The following KIF21B variants were observed in gnomAD, a reference collection of about 807,000 sequenced individuals.
KIF21B encodes the protein kinesin-like protein KIF21B.
A neutral mutation model predicts 192.9 loss-of-function variants in KIF21B; 85 were observed. The ratio of observed to expected loss-of-function variants is 0.44; its 90% confidence interval spans 0.37 to 0.53. KIF21B has a LOEUF of 0.53. Among genes scored for constraint, KIF21B ranks in the 20% least tolerant of loss-of-function variants. The probability of loss-of-function intolerance (pLI) is 0.00; values close to 1 mark genes in which losing one functional copy is unlikely to be tolerated. For missense variants in KIF21B, 1,716 were observed against 2,194.8 expected (o/e 0.78, Z 4.36); for synonymous variants, 832 against 884.6 (o/e 0.94, Z 1.05).
chr1:200,994,449 G>A (rs1162157947), intron 15 of KIF21B, among the ~76,000 whole-genome samples: 1 of 152,188 alleles, frequency 6.6e-6, no homozygotes, highest in African/African-American at 2.4e-5. Context: ...CCCCTCCTGG[G>A]ATGACCCAAG....
intron 5 of KIF21B, 95 bp from the exon 6 acceptor site, chr1:201,005,028 G>A (rs535473362): frequency 4.8e-5 from 67 of 1,393,118 alleles, no homozygotes; most frequent in Admixed American, 3.8e-4. Context: ...CACGGTGGAC[G>A]GCCAAGCGCC....
chr1:200,978,367 T>A (rs1449443029), intron 30 of KIF21B, among the ~76,000 whole-genome samples: 1 of 151,936 alleles, frequency 6.6e-6, no homozygotes, highest in African/African-American at 2.4e-5. Context: ...TTTTTTTTTT[T>A]AAGACTTTAT....
At chr1:200,981,180 G>C (rs1342181341) in intron 28 of KIF21B, 84 bp from the exon 29 acceptor site, 3 of 1,432,798 alleles carry the variant, frequency 2.1e-6, no homozygotes, top group Non-Finnish European at 2.8e-6. Context: ...TGTGGGATGG[G>C]GACAGGGCAG....
At chr1:201,016,505 G>A (rs987717274) in intron 1 of KIF21B, among the ~76,000 whole-genome samples, 1 of 152,218 alleles carries the variant, frequency 6.6e-6, no homozygotes, top group Non-Finnish European at 1.5e-5. Flanking sequence ...CCAGCTCTGG[G>A]GAAGGCGGCT....
rs1463368424 is a variant in KIF21B, at chr1:200,998,332, C to T, written c.2077+52G>A. On this transcript the variant is annotated intron_variant, in intron 14 of 34. Coordinates refer to ENST00000461742, the MANE Select transcript of KIF21B (RefSeq NM_001252102.2). The surrounding 1 kb of genome is among the most constrained non-coding windows in gnomAD (Gnocchi z 4.3). ...AGCTGCTTTTGACAGAGGAGGGGCT[C>T]AGGGAAAAGGGAGGGTCCGGATGGG... The T allele has an allele frequency of 2.0e-6, 3 of 1,537,542 alleles. No individual in the cohort carries two copies. In the African/African-American group the frequency reaches 4.1e-5, roughly 21 times the overall value.
intron 27 of KIF21B, among the ~76,000 whole-genome samples, chr1:200,984,174 T>C (rs1445206770): frequency 6.6e-6 from 1 of 152,210 alleles, no homozygotes; most frequent in East Asian, 1.9e-4. Flanking sequence ...TCCCAGGCTC[T>C]GGGTGCAATT....
In KIF21B at chr1:201,017,888, G is replaced by A. The variant is rs368600377; in HGVS notation, c.41+5455C>T. On this transcript the variant is annotated intron_variant, in intron 1 of 34. Transcript: ENST00000461742. This position sits in a 1 kb window ranked among gnomAD's most constrained non-coding sequence, Gnocchi z 4.1. ...CCCCAGAGCAGCTGGAGGTGAAAGA[G>A]AAAGTCCTCCAGAAACAGGGTACTG... 1.3e-5 allele frequency among the ~76,000 whole-genome samples: 2 copies of A among 152,336 alleles called. No homozygotes were observed. The highest frequency in any genetic ancestry group is 2.1e-4 in the South Asian group (1 of 4,832).
rs202147235 is a variant in KIF21B, at chr1:201,007,213, CAG to C, written c.448-1521_448-1520del. On this transcript the variant is annotated intron_variant, in intron 3 of 34. Transcript: ENST00000461742. ...AGAGACACACAGACACACACACACACAGAGACAGACACACACAGACACACACA... is the reference window on the plus strand; with the variant it reads ...AGAGACACACAGACACACACACACACAGACAGACACACACAGACACACACA... Among the ~76,000 whole-genome samples, 42 of 66,978 alleles carry C rather than the reference CAG, an allele frequency of 6.3e-4. 1 individual carries two copies. Among genetic ancestry groups the C allele is most frequent in the African/African-American group, 2.0e-3 (36 of 17,606 alleles). 43.9% of individuals were successfully genotyped at this position (66,978 alleles called of 152,430 possible). A position where few individuals can be genotyped will look rare whatever the true frequency, so the allele number is the denominator to read the frequency against.
chr1:200,990,568 G>A lies in KIF21B; in HGVS notation c.2835+8C>T. The A allele has an allele frequency of 6.2e-7, 1 of 1,613,094 alleles. No homozygotes were observed. Among genetic ancestry groups the A allele is most frequent in the Non-Finnish European group, 8.5e-7 (1 of 1,179,482 alleles). On this transcript the variant is annotated splice_region_variant and intron_variant, in intron 19 of 34. Coordinates refer to ENST00000461742, the MANE Select transcript of KIF21B (RefSeq NM_001252102.2). This position sits in a 1 kb window ranked among gnomAD's most constrained non-coding sequence, Gnocchi z 5.4. ...TGGAATGGAAGAGAAGGGGGAGGCA[G>A]GGCTCACCTTGATGAGCCGCTCCAT...
intron 3 of KIF21B, among the ~76,000 whole-genome samples, chr1:201,007,815 C>T (rs1658000512): frequency 6.6e-6 from 1 of 151,838 alleles, no homozygotes; most frequent in Non-Finnish European, 1.5e-5. Flanking sequence ...CACATAGACA[C>T]ACAAGACACA....
At chr1:201,007,353 T>A (rs201774287) in intron 3 of KIF21B, among the ~76,000 whole-genome samples, 1 of 11,036 alleles carries the variant, frequency 9.1e-5, no homozygotes, top group Non-Finnish European at 1.6e-4. Flanking sequence ...CAGAGACACA[T>A]AGACACACAC....
chr1:201,012,968 A>G (rs1169852596), intron 1 of KIF21B, among the ~76,000 whole-genome samples: 1 of 152,180 alleles, frequency 6.6e-6, no homozygotes, highest in Non-Finnish European at 1.5e-5. Flanking sequence ...AAATCACTAA[A>G]TAAAATTCAT....
Position 200,975,645 on chromosome 1 carries a change from TCA to T in KIF21B, c.4466_4467del (p.Val1489AspfsTer35), listed in dbSNP as rs752466167. 6.2e-7 allele frequency: 1 copy of T among 1,612,746 alleles called. No individual in the cohort carries two copies. The stretch of plus-strand genomic sequence containing the variant: ...TTGTGAGTGGGGCCGATGGTGCCCG[TCA>T]CACACTCGCCCAGCTCGAACATCTG... ...YVKMFELGECVTGTIGPTHNF... is the reference protein window; with the variant it reads ...YVKMFELGECXTGTIGPTHNF... On this transcript the variant is annotated frameshift_variant, in exon 33 of 35. Transcript: ENST00000461742. LOFTEE classifies it high-confidence loss of function. The surrounding 1 kb of genome is among the most constrained non-coding windows in gnomAD (Gnocchi z 4.3).
rs772390913 is a variant in KIF21B at position 200,982,588 on chromosome 1, C to T, written c.3842+468G>A. 2.8e-4 allele frequency among the ~76,000 whole-genome samples: 43 copies of T among 152,156 alleles called. No individual in the cohort carries two copies. Among genetic ancestry groups the T allele is most frequent in the Non-Finnish European group, 4.7e-4 (32 of 68,014 alleles). On this transcript the variant is annotated intron_variant, in intron 28 of 34. Transcript: ENST00000461742. The surrounding 1 kb of genome is among the most constrained non-coding windows in gnomAD (Gnocchi z 4.7). ...CCATGGTGCCCCTCCCCCCATGGTGCCCCTCCCAGAGCCAACGTCTGAAAA... is the reference window on the plus strand; with the variant it reads ...CCATGGTGCCCCTCCCCCCATGGTGTCCCTCCCAGAGCCAACGTCTGAAAA...
At chr1:200,989,134 T>C (rs1210837874) in intron 21 of KIF21B, among the ~76,000 whole-genome samples, 1 of 152,162 alleles carries the variant, frequency 6.6e-6, no homozygotes, top group Non-Finnish European at 1.5e-5. Context: ...CCTTAGGACA[T>C]ACCCTATTAT....
At chr1:201,020,182 G>A (rs1453402080) in intron 1 of KIF21B, among the ~76,000 whole-genome samples, 4 of 152,196 alleles carry the variant, frequency 2.6e-5, no homozygotes, top group African/African-American at 9.7e-5. Context: ...GCAACACTGA[G>A]GTCTCCCCTC....
intron 29 of KIF21B, 35 bp downstream of exon 29, chr1:200,980,925 C>G: frequency 1.2e-6 from 2 of 1,602,310 alleles, no homozygotes; most frequent in Non-Finnish European, 1.7e-6. Flanking sequence ...AGTAGGAGAC[C>G]CCAACCCTAC....
intron 17 of KIF21B, among the ~76,000 whole-genome samples, chr1:200,991,439 T>C (rs949764638): frequency 7.9e-5 from 12 of 152,216 alleles, no homozygotes; most frequent in Non-Finnish European, 1.6e-4. Context: ...TGGACACAAT[T>C]TGGACACCAA....
intron 14 of KIF21B, among the ~76,000 whole-genome samples, 153 bp from the exon 15 acceptor site, chr1:200,996,548 T>C (rs1329520027): frequency 2.6e-5 from 4 of 152,186 alleles, no homozygotes; most frequent in African/African-American, 9.7e-5. Context: ...TTTCATCATT[T>C]GAATGAGGGG....
Sources: allele counts gnomAD v4.1 joint callset (sites outside exome capture counted in the v4.1 genomes callset), GRCh38; gene constraint gnomAD v4.1.1; non-coding constraint Gnocchi (gnomAD v3.1); transcripts MANE v1.5; gene names NCBI Gene and HGNC (gene_info 2026-07-23, HGNC 2026-07-21).